SRSF5: variants seen among roughly 807,000 people sequenced by gnomAD.
SRSF5 encodes the protein serine and arginine rich splicing factor 5.
In SRSF5, 5 loss-of-function variants were observed where a neutral mutation model predicts 34.0. The ratio of observed to expected loss-of-function variants is 0.15; its 90% confidence interval spans 0.08 to 0.31. The LOEUF is 0.31. SRSF5 is among the 10% of genes least tolerant of loss of function. SRSF5 has a pLI of 1.00. For missense variants in SRSF5, 223 were observed against 351.4 expected, an observed-to-expected ratio of 0.63 and a Z score of 2.92; for synonymous variants, 164 against 117.7, an observed-to-expected ratio of 1.39 and a Z score of -2.55.
At chr14:69,768,002 T>A (rs2139683565) in intron 1 of SRSF5, 136 bp from the exon 2 acceptor site, 1 of 977,828 alleles carries the variant, frequency 1.0e-6, no homozygotes, top group African/African-American at 1.6e-5. Flanking sequence ...CCTGGCCTCA[T>A]TAGAGGCTCT....
intron 2 of SRSF5, 70 bp from the exon 3 acceptor site, chr14:69,768,534 T>G: frequency 6.9e-7 from 1 of 1,454,818 alleles, no homozygotes; most frequent in Non-Finnish European, 9.6e-7. Context: ...TCTCCTGATT[T>G]CAGTGCTCTT....
rs1259887736 is a variant in SRSF5, at chr14:69,771,509, A to G, written c.*48A>G. The stretch of plus-strand genomic sequence containing the variant: ...GGCCTTTTTTTAAAAAACAAAAACC[A>G]CAAAAATTCCCAAACCATACTTGCT... On this transcript the variant is annotated 3_prime_UTR_variant, in exon 8 of 8. Coordinates refer to ENST00000557154, the MANE Select transcript of SRSF5 (RefSeq NM_001320214.2). 1.3e-6 allele frequency: 2 copies of G among 1,563,480 alleles called. No individual in the cohort carries two copies.
intron 1 of SRSF5, 171 bp from the exon 2 acceptor site, chr14:69,767,967 G>A: frequency 3.0e-6 from 2 of 655,790 alleles, no homozygotes; most frequent in Non-Finnish European, 2.5e-6. Flanking sequence ...GGAGGGAGCT[G>A]GGTTTTCATT....
intron 1 of SRSF5, chr14:69,767,726 G>A (rs1566624471): frequency 8.4e-6 from 3 of 356,438 alleles, no homozygotes; most frequent in South Asian, 4.1e-5. Context: ...CGCAGGCGCG[G>A]TCGAGGCGTC....
intron 1 of SRSF5, chr14:69,767,639 T>C (rs928367833): frequency 7.0e-6 from 3 of 426,938 alleles, no homozygotes; most frequent in Admixed American, 5.3e-5. Context: ...AGAGGGAATT[T>C]GGCACGCGCA....
chr14:69,768,429 C>T (rs930187260), intron 2 of SRSF5, 147 bp downstream of exon 2: 40 of 1,331,964 alleles, frequency 3.0e-5, no homozygotes, highest in Non-Finnish European at 4.0e-5. Flanking sequence ...CTGAAAACAA[C>T]TTTAACTTGC....
In SRSF5 at chr14:69,771,621, C is replaced by A; in HGVS notation, c.*160C>A. ...GGCTGGATATCTTTGTAGATGTGGA[C>A]CACCAAGGGGTTGTTGAAAACTAAT... On this transcript the variant is annotated 3_prime_UTR_variant, in exon 8 of 8. Coordinates refer to ENST00000557154, the MANE Select transcript of SRSF5 (RefSeq NM_001320214.2). 1 of 800,902 alleles carries A rather than the reference C, an allele frequency of 1.2e-6. No homozygotes were observed. Among genetic ancestry groups the A allele is most frequent in the Non-Finnish European group, 1.9e-6 (1 of 518,558 alleles). 49.6% of individuals were successfully genotyped at this position (800,902 alleles called of 1,614,324 possible). A position where few individuals can be genotyped will look rare whatever the true frequency, so the allele number is the denominator to read the frequency against.
In SRSF5 at chr14:69,771,405, G is replaced by A. The variant is rs375411132; in HGVS notation, c.763G>A (p.Asp255Asn). Reference sequence around the variant, plus strand: ...TAGATCTAAGTCTCCAGCATCTGTGGATCGCCAGAGGTCCCGGTCCCGATC... The same window carrying A: ...TAGATCTAAGTCTCCAGCATCTGTGAATCGCCAGAGGTCCCGGTCCCGATC... ...SSRSKSPASVDRQRSRSRSRS... is the reference protein window; with the variant it reads ...SSRSKSPASVNRQRSRSRSRS... The change falls in exon 8 of 8, where the codon GAT (aspartate) becomes AAT (asparagine). Residue 255 changes from aspartate (D) to asparagine (N), a missense_variant. Coordinates refer to ENST00000557154, the MANE Select transcript of SRSF5 (RefSeq NM_001320214.2). 1 of 1,614,230 alleles carries A rather than the reference G, an allele frequency of 6.2e-7. No homozygotes were observed. Among genetic ancestry groups the A allele is most frequent in the East Asian group, 2.2e-5 (1 of 44,888 alleles).
At chr14:69,767,967 G>T in intron 1 of SRSF5, 171 bp from the exon 2 acceptor site, 1 of 655,790 alleles carries the variant, frequency 1.5e-6, no homozygotes, top group Non-Finnish European at 2.5e-6. Flanking sequence ...GGAGGGAGCT[G>T]GGTTTTCATT....
At chr14:69,769,838 G>A (rs1321475541) in intron 5 of SRSF5, 3 of 1,287,514 alleles carry the variant, frequency 2.3e-6, no homozygotes, top group East Asian at 3.2e-5. Context: ...TCGCAGTAAA[G>A]TGGTCCTTGG....
At chr14:69,768,700 C>G (rs910120010) in intron 3 of SRSF5, 26 bp downstream of exon 3, 1 of 1,613,018 alleles carries the variant, frequency 6.2e-7, no homozygotes, top group East Asian at 2.2e-5. Flanking sequence ...AACTAGATAA[C>G]CCTGGGACAT....
At position 69,768,292 on chromosome 14, in the gene SRSF5, T is replaced by C; in HGVS notation, c.126+10T>C. On this transcript the variant is annotated intron_variant, in intron 2 of 7. Coordinates refer to ENST00000557154, the MANE Select transcript of SRSF5 (RefSeq NM_001320214.2). ...AGGCTTTGGTTTTGTGGTAAGTATT[T>C]AGAACTGGGTGAATTATCTGCTAAG... 2.5e-6 allele frequency: 4 copies of C among 1,614,074 alleles called. No homozygotes were observed. Among genetic ancestry groups the C allele is most frequent in the Non-Finnish European group, 2.5e-6 (3 of 1,179,934 alleles).
intron 5 of SRSF5, 193 bp downstream of exon 5, chr14:69,769,444 T>A: frequency 1.3e-6 from 2 of 1,531,386 alleles, no homozygotes; most frequent in South Asian, 2.4e-5. Flanking sequence ...ATGTAAATGT[T>A]TTGAGGATAT....
At chr14:69,770,587 T>C (rs762042650) in intron 6 of SRSF5, 47 bp downstream of exon 6, 5 of 1,543,826 alleles carry the variant, frequency 3.2e-6, no homozygotes, top group Non-Finnish European at 4.5e-6. Flanking sequence ...CCGGAAAATT[T>C]TACTGTGAAC....
intron 1 of SRSF5, 53 bp from the exon 2 acceptor site, chr14:69,768,085 C>G: frequency 1.9e-6 from 3 of 1,581,694 alleles, no homozygotes; most frequent in Non-Finnish European, 2.6e-6. Context: ...TTTAATCAGG[C>G]GTTTCTCTGT....
intron 5 of SRSF5, chr14:69,769,758 C>T (rs1195714488): frequency 1.8e-5 from 25 of 1,367,712 alleles, no homozygotes; most frequent in East Asian, 1.1e-4. Flanking sequence ...CTTCCTGTAA[C>T]GCTTCCGAAT....
intron 4 of SRSF5, 85 bp from the exon 5 acceptor site, chr14:69,769,097 A>T (rs1487461861): frequency 6.7e-7 from 1 of 1,497,178 alleles, no homozygotes; most frequent in Admixed American, 1.7e-5. Flanking sequence ...GGCTTGTGAT[A>T]TCTGATGGCT....
At chr14:69,767,329 G>A (rs1882573127) in intron 1 of SRSF5, 74 bp downstream of exon 1, 2 of 454,390 alleles carry the variant, frequency 4.4e-6, no homozygotes, top group Non-Finnish European at 8.8e-6. Flanking sequence ...GTGAGCGGCC[G>A]GGGCTGCTCT....
chr14:69,768,261 G>GA lies in SRSF5; in HGVS notation c.109dup (p.Arg37LysfsTer9). ...ATGGACGGATAAGAGATATTGATCTGAAAAGAGGCTTTGGTTTTGTGGTAA... is the reference window on the plus strand; with the variant it reads ...ATGGACGGATAAGAGATATTGATCTGAAAAAGAGGCTTTGGTTTTGTGGTAA... On this transcript the variant is annotated frameshift_variant, in exon 2 of 8. Coordinates refer to ENST00000557154, the MANE Select transcript of SRSF5 (RefSeq NM_001320214.2). LOFTEE classifies it high-confidence loss of function. 1 of 1,614,218 alleles carries GA rather than the reference G, an allele frequency of 6.2e-7. No homozygotes were observed.
Sources: gnomAD v4.1 joint callset for allele counts on GRCh38, gnomAD v4.1.1 for gene constraint, MANE v1.5 for transcripts, NCBI Gene and HGNC (gene_info 2026-07-23, HGNC 2026-07-21) for gene names.